The following LARP4B variants were observed in gnomAD, a reference collection of about 807,000 sequenced individuals.
The protein encoded by LARP4B is La ribonucleoprotein 4B.
LARP4B carries 12 observed loss-of-function variants against 89.8 expected under a neutral mutation model. The ratio of observed to expected loss-of-function variants is 0.13; its 90% CI spans 0.09 to 0.22. The LOEUF is 0.22. Ranked by LOEUF, LARP4B falls within the 10% of genes least tolerant of loss-of-function variation. LARP4B has a pLI of 1.00. For synonymous variants in LARP4B, 367 were observed against 363.3 expected (o/e 1.01, Z -0.12); for missense variants, 757 against 947.7 (o/e 0.80, Z 2.64).
At chr10:821,042 G>C (rs1334529174) in intron 13 of LARP4B, 197 bp from the exon 14 acceptor site, 2 of 578,112 alleles carry the variant, frequency 3.5e-6, no homozygotes, top group South Asian at 2.1e-5. Flanking sequence ...GACAGCAAGG[G>C]ACTAACGTGG....
intron 1 of LARP4B, among the ~76,000 whole-genome samples, chr10:895,336 T>C (rs1030537155): frequency 1.3e-5 from 2 of 151,892 alleles, no homozygotes; most frequent in Non-Finnish European, 2.9e-5. Flanking sequence ...TTTGTATTAA[T>C]GAAATAATAC....
At chr10:972,291 G>C in the LARP4B span, 203 of 356,368 alleles carry the variant, frequency 5.7e-4, 1 homozygote, top group Middle Eastern at 2.0e-3. Context: ...ACCTCCCAAA[G>C]TGCTGGGATT....
chr10:958,555 G>T, the LARP4B span, among the ~76,000 whole-genome samples: 1 of 152,358 alleles, frequency 6.6e-6, no homozygotes, highest in African/African-American at 2.4e-5. Flanking sequence ...CACCAGGGAA[G>T]GCAGGGGCCT....
intron 6 of LARP4B, among the ~76,000 whole-genome samples, chr10:844,365 C>T (rs1210740490): frequency 6.6e-6 from 1 of 152,224 alleles, no homozygotes; most frequent in Non-Finnish European, 1.5e-5. Context: ...ACACCTCCAC[C>T]TCATACACCC....
intron 5 of LARP4B, among the ~76,000 whole-genome samples, chr10:848,878 G>A (rs914280940): frequency 3.3e-5 from 5 of 152,078 alleles, no homozygotes; most frequent in African/African-American, 1.2e-4. Context: ...GGACAAACAC[G>A]TATGCTGTTT....
At chr10:861,204 A>G (rs1437944669) in intron 5 of LARP4B, among the ~76,000 whole-genome samples, 1 of 152,212 alleles carries the variant, frequency 6.6e-6, no homozygotes, top group African/African-American at 2.4e-5. Context: ...GAGAGGGCAC[A>G]GGAAGCTCTT....
intron 1 of LARP4B, among the ~76,000 whole-genome samples, chr10:897,593 G>A (rs974720169): frequency 6.6e-6 from 1 of 151,866 alleles, no homozygotes; most frequent in Non-Finnish European, 1.5e-5. Flanking sequence ...CAAAGAATGC[G>A]AAAAAACATT....
At chr10:863,129 T>TC (rs1000304105) in intron 5 of LARP4B, among the ~76,000 whole-genome samples, 1 of 151,810 alleles carries the variant, frequency 6.6e-6, no homozygotes, top group Non-Finnish European at 1.5e-5. Context: ...TCCCTCTCTA[T>TC]CCCCCTCCCT....
intron 1 of LARP4B, among the ~76,000 whole-genome samples, chr10:930,886 G>C (rs569931707): frequency 4.8e-4 from 73 of 151,654 alleles, no homozygotes; most frequent in Middle Eastern, 3.4e-3. Flanking sequence ...CGGCGGGACC[G>C]AGGAGCGAGT....
the LARP4B span, among the ~76,000 whole-genome samples, chr10:952,027 A>G: frequency 1.3e-5 from 2 of 151,946 alleles, no homozygotes; most frequent in Non-Finnish European, 2.9e-5. Context: ...AATCAACTGC[A>G]TAACATACAA....
the LARP4B span, among the ~76,000 whole-genome samples, chr10:961,553 C>T: frequency 1.3e-5 from 2 of 149,976 alleles, no homozygotes; most frequent in African/African-American, 5.0e-5. Context: ...CTCATGGCGG[C>T]GTGGTGCCAG....
intron 3 of LARP4B, among the ~76,000 whole-genome samples, chr10:874,177 T>G (rs1354455174): frequency 2.6e-5 from 4 of 152,264 alleles, no homozygotes; most frequent in Non-Finnish European, 5.9e-5. Context: ...GAGGTTGCAG[T>G]GAGCCAAGAT....
intron 5 of LARP4B, among the ~76,000 whole-genome samples, chr10:845,833 T>C (rs565408402): frequency 6.6e-6 from 1 of 152,332 alleles, no homozygotes; most frequent in East Asian, 1.9e-4. Flanking sequence ...CCTGCCTTCC[T>C]ATATAAATTA....
At position 814,766 on chromosome 10, in the gene LARP4B, C is replaced by T. The variant is rs764820158; in HGVS notation, c.1905G>A (p.Ser635=). 13 of 1,600,418 alleles carry T rather than the reference C, an allele frequency of 8.1e-6. No individual in the cohort carries two copies. Among genetic ancestry groups the T allele is most frequent in the South Asian group, 3.4e-5 (3 of 89,070 alleles). The change falls in exon 17 of 18, where the codon TCG becomes TCA. Residue 635 remains serine (S), a synonymous_variant. Transcript: ENST00000316157. The surrounding 1 kb of genome is among the most constrained non-coding windows in gnomAD (Gnocchi z 4.4). ...CCGTGGCGGCTCCGTTCACCTGCAC[C>T]GATTTACACGCGGTCGCAGTGAGGG... ...PSALTATACK[S]VQVNGAATEL... is the part of the protein sequence containing the mutation.
At chr10:931,152 A>C (rs1252964027) in intron 1 of LARP4B, among the ~76,000 whole-genome samples, 2 of 102,322 alleles carry the variant, frequency 2.0e-5, no homozygotes, top group African/African-American at 7.7e-5. Flanking sequence ...CCTCAGCCCC[A>C]GTTTTCCCCT....
At chr10:920,207 AGAG>A (rs984304374) in intron 1 of LARP4B, among the ~76,000 whole-genome samples, 5 of 152,244 alleles carry the variant, frequency 3.3e-5, no homozygotes, top group African/African-American at 1.2e-4. Context: ...CTGGACTTAA[AGAG>A]GAGGCTCGTT....
chr10:939,148 C>A, the LARP4B span, among the ~76,000 whole-genome samples: 1 of 152,244 alleles, frequency 6.6e-6, no homozygotes. Flanking sequence ...GGACTCCACC[C>A]TTCCTGGCTG....
At chr10:955,999 C>T in the LARP4B span, among the ~76,000 whole-genome samples, 1 of 152,226 alleles carries the variant, frequency 6.6e-6, no homozygotes, top group Admixed American at 6.5e-5. The surrounding 1 kb of genome is among the most constrained non-coding windows in gnomAD (Gnocchi z 5.2). Context: ...GAGGCTCCCA[C>T]TTCCTGCCCC....
the LARP4B span, among the ~76,000 whole-genome samples, chr10:963,881 A>C: frequency 6.6e-6 from 1 of 152,276 alleles, no homozygotes; most frequent in East Asian, 1.9e-4. Context: ...TGACTCAAAC[A>C]ACCCCCATAT....
Sources: allele counts gnomAD v4.1 joint callset (sites outside exome capture counted in the v4.1 genomes callset), GRCh38; gene constraint gnomAD v4.1.1; non-coding constraint Gnocchi (gnomAD v3.1); transcripts MANE v1.5; gene names NCBI Gene and HGNC (gene_info 2026-07-23, HGNC 2026-07-21).